RBFOX1: variants seen among roughly 807,000 people sequenced by gnomAD.
RBFOX1 encodes the protein RNA binding fox-1 homolog 1, also known as RNA binding protein fox-1 homolog 1.
In RBFOX1, 8 loss-of-function variants were observed where a neutral mutation model predicts 57.7. That is an observed-to-expected ratio of 0.14 (90% confidence interval 0.08 to 0.25). The LOEUF is 0.25. Among genes scored for constraint, RBFOX1 ranks in the 10% least tolerant of loss-of-function variants. The probability of loss-of-function intolerance (pLI) is 1.00; values close to 1 mark genes in which losing one functional copy is unlikely to be tolerated. For missense variants in RBFOX1, 611 were observed against 548.5 expected (o/e 1.11, Z -1.14); for synonymous variants, 326 against 222.4 (o/e 1.47, Z -4.15).
chr16:6,072,127 C>T, intron 1 of RBFOX1, among the ~76,000 whole-genome samples: 1 of 152,198 alleles, frequency 6.6e-6, no homozygotes, highest in East Asian at 1.9e-4. Context: ...GCACATCTTA[C>T]ATGGCTGCAG....
intron 4 of RBFOX1, among the ~76,000 whole-genome samples, chr16:7,138,119 T>A (rs988098802): frequency 5.3e-5 from 8 of 152,152 alleles, no homozygotes; most frequent in Non-Finnish European, 1.0e-4. Context: ...AGCCAAATCA[T>A]ACAGAAAGCG....
rs188580335 is a variant in RBFOX1 at position 7,183,674 on chromosome 16, T to C, written c.27+131576T>C. On this transcript the variant is annotated intron_variant, in intron 4 of 15. Transcript: ENST00000550418. The stretch of plus-strand genomic sequence containing the variant: ...TATGAGAATACAGAACCAGATGATA[T>C]CTTCAGGCAGAAATTTAGGAAGAGT... 3.0e-4 allele frequency among the ~76,000 whole-genome samples: 45 copies of C among 152,238 alleles called. 1 individual carries two copies. In the East Asian group the frequency reaches 7.9e-3, roughly 27 times the overall value.
intron 13 of RBFOX1, among the ~76,000 whole-genome samples, chr16:7,670,068 A>G (rs1197852426): frequency 2.6e-5 from 4 of 152,144 alleles, no homozygotes; most frequent in African/African-American, 4.8e-5. Context: ...GCCTCCCTGT[A>G]TCACCCAGGG....
At chr16:7,482,617 G>T (rs1472510564) in intron 4 of RBFOX1, among the ~76,000 whole-genome samples, 4 of 138,546 alleles carry the variant, frequency 2.9e-5, no homozygotes, top group African/African-American at 8.5e-5. Context: ...ACAAATTCTG[G>T]ATCTGCTTTC....
chr16:7,709,213 T>A, intron 15 of RBFOX1, 82 bp downstream of exon 15: 1 of 1,277,070 alleles, frequency 7.8e-7, no homozygotes. Context: ...CGGGTTGACG[T>A]CCTCTCACTT....
Position 7,458,590 on chromosome 16 carries a change from T to C in RBFOX1, c.28-59557T>C, listed in dbSNP as rs908240572. ...TCCCTAGCATTCTTTCCCTTTCCTC[T>C]TGGCCCCTTTGCAAGCCCTTGAATA... On this transcript the variant is annotated intron_variant, in intron 4 of 15. Coordinates refer to ENST00000550418, the MANE Select transcript of RBFOX1 (RefSeq NM_018723.4). Among the ~76,000 whole-genome samples, 9 of 152,246 alleles carry C rather than the reference T, an allele frequency of 5.9e-5. No homozygotes were observed. The East Asian group carries it at 1.7e-3, about 29-fold the overall frequency.
At chr16:6,484,635 C>G (rs1275280607) in intron 2 of RBFOX1, among the ~76,000 whole-genome samples, 7 of 152,168 alleles carry the variant, frequency 4.6e-5, no homozygotes, top group Admixed American at 4.6e-4. Flanking sequence ...GCTCATCCCT[C>G]TAGCCCTTAT....
intron 4 of RBFOX1, among the ~76,000 whole-genome samples, chr16:7,296,938 G>T (rs912151375): frequency 3.3e-5 from 5 of 152,162 alleles, no homozygotes; most frequent in African/African-American, 1.2e-4. Flanking sequence ...AGCAGTATAG[G>T]TATGTGTAAA....
intron 1 of RBFOX1, among the ~76,000 whole-genome samples, chr16:5,449,743 G>A (rs988142298): frequency 6.6e-6 from 1 of 152,090 alleles, no homozygotes; most frequent in Non-Finnish European, 1.5e-5. Flanking sequence ...CGAGTAGATG[G>A]AAACACAGAT....
chr16:5,298,115 C>G (rs995076048), intron 1 of RBFOX1, among the ~76,000 whole-genome samples: 1 of 152,098 alleles, frequency 6.6e-6, no homozygotes, highest in African/African-American at 2.4e-5. Context: ...GCTCTTTGAA[C>G]AAAAGGCAGC....
chr16:5,656,412 A>G (rs2049432175), intron 3 of RBFOX1, among the ~76,000 whole-genome samples: 1 of 152,224 alleles, frequency 6.6e-6, no homozygotes, highest in African/African-American at 2.4e-5. Flanking sequence ...GCTGGTTGGA[A>G]TAAGTTGGCA....
intron 4 of RBFOX1, among the ~76,000 whole-genome samples, chr16:7,221,559 G>A (rs188322199): frequency 6.6e-6 from 1 of 152,134 alleles, no homozygotes; most frequent in African/African-American, 2.4e-5. Flanking sequence ...TAGAGAAGGG[G>A]TCGCACCATG....
At chr16:7,143,300 C>T (rs568087065) in intron 4 of RBFOX1, among the ~76,000 whole-genome samples, 101 of 152,064 alleles carry the variant, frequency 6.6e-4, no homozygotes, top group African/African-American at 2.4e-3. Context: ...TGTTTTCCAG[C>T]CCTCCTCCAC....
intron 5 of RBFOX1, among the ~76,000 whole-genome samples, chr16:7,571,987 C>A (rs1200738908): frequency 3.3e-5 from 5 of 152,264 alleles, no homozygotes; most frequent in African/African-American, 1.2e-4. Flanking sequence ...ATTAGCTGGG[C>A]TTGGTGGCAC....
intron 3 of RBFOX1, among the ~76,000 whole-genome samples, chr16:6,784,315 T>G (rs1482426643): frequency 6.6e-6 from 1 of 152,122 alleles, no homozygotes; most frequent in Admixed American, 6.6e-5. Context: ...TTAGCTTCTT[T>G]TTTTCTCTAC....
At position 5,789,934 on chromosome 16, in the gene RBFOX1, G is replaced by A. The variant is rs1425038861; in HGVS notation, c.319-77369G>A. ...CAGTGTATGGGCTGTGCTAGCTGCG[G>A]CAATGGTGGCTGCTATAACAGATAG... On this transcript the variant is annotated intron_variant, in intron 3 of 19. Transcript: ENST00000641259. 3.3e-5 allele frequency among the ~76,000 whole-genome samples: 5 copies of A among 152,284 alleles called. No individual in the cohort carries two copies. In the East Asian group the frequency reaches 9.7e-4, roughly 30 times the overall value.
At chr16:6,707,357 C>A (rs747130469) in intron 3 of RBFOX1, among the ~76,000 whole-genome samples, 1 of 151,876 alleles carries the variant, frequency 6.6e-6, no homozygotes, top group Admixed American at 6.6e-5. Context: ...ATTTCAAAGT[C>A]TTTGTTTACA....
intron 3 of RBFOX1, chr16:5,632,360 G>A (rs2048538594): frequency 6.6e-6 from 1 of 152,158 alleles, no homozygotes; most frequent in African/African-American, 2.4e-5. Flanking sequence ...GCTGTTTCCT[G>A]GTCAACGTTA....
intron 3 of RBFOX1, among the ~76,000 whole-genome samples, chr16:7,035,307 A>C (rs2077576839): frequency 6.6e-6 from 1 of 151,872 alleles, no homozygotes; most frequent in South Asian, 2.1e-4. Context: ...TGCCCATTTG[A>C]CTGTGGTGCT....
Sources: gnomAD v4.1 joint callset for allele counts (sites outside exome capture counted in the v4.1 genomes callset) on GRCh38, gnomAD v4.1.1 for gene constraint, MANE v1.5 for transcripts, NCBI Gene and HGNC (gene_info 2026-07-23, HGNC 2026-07-21) for gene names.